The following ATP6V0A4 variants were observed in gnomAD, a reference collection of about 807,000 sequenced individuals.
ATP6V0A4 encodes ATPase H+ transporting V0 subunit a4.
A neutral mutation model predicts 107.3 loss-of-function variants in ATP6V0A4; 86 were observed. That is an observed-to-expected ratio of 0.80 (90% CI 0.67 to 0.96). The LOEUF is 0.96. ATP6V0A4 is among the 40% of genes least tolerant of loss of function. The pLI is 0.00. For synonymous variants in ATP6V0A4, 353 were observed against 381.4 expected, an observed-to-expected ratio of 0.93 and a Z score of 0.87; for missense variants, 908 against 1,045.6, an observed-to-expected ratio of 0.87 and a Z score of 1.81.
chr7:138,712,913 G>A (rs905940902), intron 20 of ATP6V0A4, among the ~76,000 whole-genome samples: 4 of 152,084 alleles, frequency 2.6e-5, no homozygotes, highest in African/African-American at 7.2e-5. Context: ...CTGACTGCAC[G>A]AAGCGCTGAG....
chr7:138,783,534 T>G (rs1043466605), intron 2 of ATP6V0A4, among the ~76,000 whole-genome samples: 15 of 152,060 alleles, frequency 9.9e-5, no homozygotes, highest in African/African-American at 3.6e-4. Context: ...CAGACCAGCA[T>G]GGGCAGCATA....
chr7:138,747,720 G>C, intron 12 of ATP6V0A4, 156 bp from the exon 13 acceptor site: 1 of 1,236,044 alleles, frequency 8.1e-7, no homozygotes, highest in Middle Eastern at 2.8e-4. Context: ...ATGCTTAGCT[G>C]CCACATAAAT....
chr7:138,766,212 T>A (rs1807081082), intron 5 of ATP6V0A4, among the ~76,000 whole-genome samples: 1 of 85,278 alleles, frequency 1.2e-5, no homozygotes, highest in African/African-American at 7.7e-5. Context: ...TATTTTTTTT[T>A]TTTTTTTGGA....
At chr7:138,709,932 T>A in intron 20 of ATP6V0A4, 137 bp from the exon 21 acceptor site, 1 of 1,033,938 alleles carries the variant, frequency 9.7e-7, no homozygotes, top group Non-Finnish European at 1.3e-6. Flanking sequence ...TAGGATGGTC[T>A]CCAACTCCTG....
At position 138,717,557 on chromosome 7, in the gene ATP6V0A4, A is replaced by AAAAAG. The variant is rs200469536; in HGVS notation, c.2140-1681_2140-1677dup. ...AGACTCTGTCTAAAAAAAGAAAAAG[A>AAAAAG]AAAAGAAAAGAAAAGAAAGAGGCGC... On this transcript the variant is annotated intron_variant, in intron 19 of 21. Coordinates refer to ENST00000310018, the MANE Select transcript of ATP6V0A4 (RefSeq NM_020632.3). 3.4e-4 allele frequency among the ~76,000 whole-genome samples: 51 copies of AAAAAG among 151,802 alleles called. 1 individual carries two copies. Among genetic ancestry groups the AAAAAG allele is most frequent in the South Asian group, 3.1e-3 (15 of 4,794 alleles).
At chr7:138,739,656 A>G in intron 14 of ATP6V0A4, 23 bp from the exon 15 acceptor site, 1 of 1,613,662 alleles carries the variant, frequency 6.2e-7, no homozygotes, top group South Asian at 1.1e-5. Flanking sequence ...AAAAGGAGAA[A>G]AACAAACAAT....
intron 5 of ATP6V0A4, among the ~76,000 whole-genome samples, chr7:138,764,450 A>T (rs1461774107): frequency 6.6e-6 from 1 of 152,222 alleles, no homozygotes; most frequent in Non-Finnish European, 1.5e-5. Flanking sequence ...AACAAAGATA[A>T]AACTTTAAAG....
intron 20 of ATP6V0A4, among the ~76,000 whole-genome samples, chr7:138,711,087 C>G (rs928921212): frequency 6.6e-6 from 1 of 152,144 alleles, no homozygotes; most frequent in African/African-American, 2.4e-5. Flanking sequence ...CCCCCCACCC[C>G]CACTTCCCTA....
chr7:138,774,618 ATATAT>A (rs1249307696), intron 2 of ATP6V0A4, among the ~76,000 whole-genome samples: 8 of 146,266 alleles, frequency 5.5e-5, no homozygotes, highest in South Asian at 2.1e-4. Context: ...TATATATATA[ATATAT>A]TATATACATT....
intron 2 of ATP6V0A4, among the ~76,000 whole-genome samples, chr7:138,784,527 C>T (rs553399091): frequency 6.6e-6 from 1 of 151,540 alleles, no homozygotes; most frequent in South Asian, 2.1e-4. Flanking sequence ...ACCGTGTTAG[C>T]CAGGGTGGTC....
Position 138,759,687 on chromosome 7 carries a change from C to T in ATP6V0A4, c.639+65G>A, listed in dbSNP as rs13230648. On this transcript the variant is annotated intron_variant, in intron 8 of 21. Coordinates refer to ENST00000310018, the MANE Select transcript of ATP6V0A4 (RefSeq NM_020632.3). Reference sequence around the variant, plus strand: ...AAAGATCCCCCATGTTTTGGGAGAACGAAGCGCTTCTGCTGAGGGCTATGG... The same window carrying T: ...AAAGATCCCCCATGTTTTGGGAGAATGAAGCGCTTCTGCTGAGGGCTATGG... 82,363 of 1,565,486 alleles carry T rather than the reference C, an allele frequency of 0.053. 2,533 individuals are homozygous for T. Among genetic ancestry groups the T allele is most frequent in the Non-Finnish European group, 0.062 (69,974 of 1,136,764 alleles).
chr7:138,745,996 T>A (rs1191256187), intron 13 of ATP6V0A4, among the ~76,000 whole-genome samples: 1 of 87,902 alleles, frequency 1.1e-5, no homozygotes, highest in Non-Finnish European at 2.3e-5. Flanking sequence ...ATATTATAAA[T>A]ATAAATAATA....
At chr7:138,771,879 T>C (rs1362473960) in intron 2 of ATP6V0A4, among the ~76,000 whole-genome samples, 1 of 91,240 alleles carries the variant, frequency 1.1e-5, no homozygotes, top group Non-Finnish European at 2.7e-5. Context: ...CTCTGGTCTC[T>C]CAAAGTGCTG....
intron 18 of ATP6V0A4, among the ~76,000 whole-genome samples, chr7:138,725,596 T>C (rs34587733): frequency 0.16 from 24,487 of 151,908 alleles, 2,366 homozygotes; most frequent in African/African-American, 0.27. Context: ...CACTGCCATC[T>C]CCACCTCTCA....
rs766370062 is a variant in ATP6V0A4 at position 138,709,703 on chromosome 7, C to T, written c.2350G>A (p.Val784Ile). ...ATGGCTACTGTCAGGACAGCAAATA[C>T]GGCAAAAATAATAAAAACCCCGACG... ...GIVGVFIIFA[V>I]FAVLTVAILL... The change falls in exon 21 of 22, where the codon GTA (valine) becomes ATA (isoleucine). Residue 784 changes from valine to isoleucine, a missense_variant. Transcript: ENST00000310018. 2.0e-5 allele frequency: 33 copies of T among 1,613,680 alleles called. No individual in the cohort carries two copies. The highest frequency in any genetic ancestry group is 1.0e-4 in the Admixed American group (6 of 59,920).
intron 15 of ATP6V0A4, among the ~76,000 whole-genome samples, chr7:138,736,331 A>G (rs4339579): frequency 0.57 from 86,034 of 152,066 alleles, 24,926 homozygotes; most frequent in East Asian, 0.92. Flanking sequence ...TGTTTATCTC[A>G]TTTAGTTCTA....
chr7:138,757,839 G>A (rs1806587032), intron 8 of ATP6V0A4, among the ~76,000 whole-genome samples: 1 of 152,162 alleles, frequency 6.6e-6, no homozygotes, highest in Non-Finnish European at 1.5e-5. Context: ...TCAACTCAGT[G>A]GACACAATAG....
chr7:138,724,465 G>A (rs962245538), intron 18 of ATP6V0A4, among the ~76,000 whole-genome samples: 8 of 152,138 alleles, frequency 5.3e-5, no homozygotes, highest in Non-Finnish European at 2.9e-5. Context: ...CCAGGGACTC[G>A]TGGTGTCCAT....
intron 5 of ATP6V0A4, among the ~76,000 whole-genome samples, chr7:138,766,529 T>A (rs1005444335): frequency 6.6e-5 from 10 of 152,090 alleles, no homozygotes; most frequent in African/African-American, 2.2e-4. Context: ...ATTTTTTTTT[T>A]AATCCATCTA....
Sources: allele counts gnomAD v4.1 joint callset (sites outside exome capture counted in the v4.1 genomes callset), GRCh38; gene constraint gnomAD v4.1.1; transcripts MANE v1.5; gene names NCBI Gene and HGNC (gene_info 2026-07-23, HGNC 2026-07-21).